The following ADRA1A variants were observed in gnomAD, a reference collection of about 807,000 sequenced individuals.
The protein encoded by ADRA1A is adrenoceptor alpha 1A, also known as alpha-1A adrenergic receptor.
Under a neutral mutation model 29.6 loss-of-function variants are expected in ADRA1A, and 31 were observed. The observed-to-expected ratio is 1.05, with a 90% CI of 0.79 to 1.41. The LOEUF (loss-of-function observed/expected upper bound fraction) is 1.41. ADRA1A is among the 40% of genes most tolerant of loss of function. The pLI, the probability that ADRA1A is intolerant of heterozygous loss-of-function variation, is 0.00. For synonymous variants in ADRA1A, 311 were observed against 254.3 expected, an observed-to-expected ratio of 1.22 and a Z score of -2.12; for missense variants, 619 against 601.1, an observed-to-expected ratio of 1.03 and a Z score of -0.31.
At chr8:26,822,778 A>G (rs1810268473) in intron 2 of ADRA1A, among the ~76,000 whole-genome samples, 1 of 152,192 alleles carries the variant, frequency 6.6e-6, no homozygotes. Context: ...AAGCATGGTG[A>G]CTTCCGCTTC....
At chr8:26,767,075 A>T (rs1288238561), downstream of ADRA1A, among the ~76,000 whole-genome samples, 1 of 152,104 alleles carries the variant, frequency 6.6e-6, no homozygotes, top group African/African-American at 2.4e-5. Flanking sequence ...GAATAATGAG[A>T]TTCAGGGTCT....
At chr8:26,803,681 G>A (rs1808761721) in intron 2 of ADRA1A, among the ~76,000 whole-genome samples, 1 of 152,030 alleles carries the variant, frequency 6.6e-6, no homozygotes, top group Admixed American at 6.6e-5. Context: ...TTCTAACAAA[G>A]TACTTGTATC....
intron 2 of ADRA1A, among the ~76,000 whole-genome samples, chr8:26,824,283 G>A (rs929343299): frequency 6.6e-6 from 1 of 151,882 alleles, no homozygotes; most frequent in African/African-American, 2.4e-5. Flanking sequence ...TGGGTAACAG[G>A]GGTCTATCTA....
intron 2 of ADRA1A, among the ~76,000 whole-genome samples, chr8:26,808,034 G>A (rs1025057227): frequency 4.6e-5 from 7 of 152,190 alleles, no homozygotes; most frequent in South Asian, 2.1e-4. Flanking sequence ...ATACATTTAC[G>A]TGGCTCAAAA....
Position 26,770,326 on chromosome 8 carries a change from G to A in ADRA1A, c.1224C>T (p.Ala408=), listed in dbSNP as rs1201071862. The A allele has an allele frequency of 6.2e-7, 1 of 1,614,208 alleles. No homozygotes were observed. Among genetic ancestry groups the A allele is most frequent in the East Asian group, 2.2e-5 (1 of 44,880 alleles). Residue 408 remains alanine, a synonymous_variant, in exon 3 of 3, where the codon GCC becomes GCT. Coordinates refer to ENST00000380573, the MANE Select transcript of ADRA1A (RefSeq NM_000680.4). ...ATTGGTCTTTGGACACTGTAATCCTGGCAGATCCACGGGGCATGGAAGAGA... is the reference window on the plus strand; with the variant it reads ...ATTGGTCTTTGGACACTGTAATCCTAGCAGATCCACGGGGCATGGAAGAGA... ...KFFSSMPRGS[A]RITVSKDQSS...
At chr8:26,791,475 T>C (rs902813939) in intron 2 of ADRA1A, among the ~76,000 whole-genome samples, 3 of 152,180 alleles carry the variant, frequency 2.0e-5, no homozygotes, top group Admixed American at 6.6e-5. Flanking sequence ...CAGTAAATTA[T>C]GAGTGCCCAC....
Position 26,864,792 on chromosome 8 carries a change from C to A in ADRA1A, c.178G>T (p.Val60Phe). 1.2e-6 allele frequency: 2 copies of A among 1,614,148 alleles called. No individual in the cohort carries two copies. The highest frequency in any genetic ancestry group is 1.7e-6 in the Non-Finnish European group (2 of 1,180,022). ...SVACHRHLHS[V>F]THYYIVNLAV... is the part of the protein sequence containing the mutation. ...AGGTTGACGATGTAGTAGTGCGTGA[C>A]TGAGTGCAGGTGTCGGTGACAGGCT... is the stretch of plus-strand genomic sequence containing the variant. The change falls in exon 2 of 3, where the codon GTC becomes TTC. Residue 60 changes from valine (V) to phenylalanine (F), a missense_variant. Transcript: ENST00000380573. This position sits in a 1 kb window ranked among gnomAD's most constrained non-coding sequence, Gnocchi z 8.1.
upstream of ADRA1A, chr8:26,867,353 T>C (rs904518587): frequency 7.1e-6 from 7 of 985,358 alleles, no homozygotes; most frequent in Middle Eastern, 1.0e-3. Context: ...CAAGTGCGTA[T>C]ACAGCTGTAA....
rs1333985109 is a variant in ADRA1A, at chr8:26,821,799, A to T, written c.883+42288T>A. The stretch of plus-strand genomic sequence containing the variant: ...CCTGGAAATCACTAATCTGTTCTCT[A>T]TTTCTATAATTTTGTCATTTCAAGA... On this transcript the variant is annotated intron_variant, in intron 2 of 2. Coordinates refer to ENST00000380573, the MANE Select transcript of ADRA1A (RefSeq NM_000680.4). This position sits in a 1 kb window ranked among gnomAD's most constrained non-coding sequence, Gnocchi z 5.6. Among the ~76,000 whole-genome samples, 1 of 152,102 alleles carries T rather than the reference A, an allele frequency of 6.6e-6. No homozygotes were observed. Among genetic ancestry groups the T allele is most frequent in the African/African-American group, 2.4e-5 (1 of 41,408 alleles).
At chr8:26,757,515 C>CCA (rs1554488995) in intron 2 of ADRA1A, among the ~76,000 whole-genome samples, 33 of 150,524 alleles carry the variant, frequency 2.2e-4, no homozygotes, top group Middle Eastern at 3.4e-3. Flanking sequence ...TTCCATTTCC[C>CCA]CCACCCCCCA....
Position 26,798,418 on chromosome 8 carries a change from T to G in ADRA1A, c.884-27752A>C, listed in dbSNP as rs1425219867. Among the ~76,000 whole-genome samples, 4 of 152,350 alleles carry G rather than the reference T, an allele frequency of 2.6e-5. 1 individual carries two copies. In the Middle Eastern group the frequency reaches 0.01, roughly 389 times the overall value. On this transcript the variant is annotated intron_variant, in intron 2 of 2. Coordinates refer to ENST00000380573, the MANE Select transcript of ADRA1A (RefSeq NM_000680.4). ...AATGCTTTCTCAAAAGGACTCAATA[T>G]GTTAAGCAGATCCGAATATACTTAT... is the stretch of plus-strand genomic sequence containing the variant.
At chr8:26,804,180 C>G (rs538060713) in intron 2 of ADRA1A, among the ~76,000 whole-genome samples, 2 of 152,098 alleles carry the variant, frequency 1.3e-5, no homozygotes, top group Admixed American at 6.5e-5. Context: ...CTTGGCCCCC[C>G]AAAGTGGTGG....
intron 2 of ADRA1A, among the ~76,000 whole-genome samples, chr8:26,824,728 G>A (rs958436637): frequency 6.6e-6 from 1 of 152,026 alleles, no homozygotes; most frequent in African/African-American, 2.4e-5. Context: ...AAATCCCTAG[G>A]GAAGTGAAAA....
chr8:26,836,105 G>A (rs573172050), intron 2 of ADRA1A: 18 of 189,096 alleles, frequency 9.5e-5, no homozygotes, highest in African/African-American at 3.8e-4. Flanking sequence ...ACCCTTCAGC[G>A]GTTGTTGCCT....
Position 26,865,405 on chromosome 8 carries a change from CA to C in ADRA1A, c.-437del. ...AGCATTCTGCACATGATTCGGAATT[CA>C]AAACTCCAGCGCCAGTCTCTCCCTC... On this transcript the variant is annotated 5_prime_UTR_variant, in exon 2 of 3. Transcript: ENST00000380573. This position sits in a 1 kb window ranked among gnomAD's most constrained non-coding sequence, Gnocchi z 7.6. 9.9e-7 allele frequency: 1 copy of C among 1,005,988 alleles called. No individual in the cohort carries two copies. The highest frequency in any genetic ancestry group is 1.2e-6 in the Non-Finnish European group (1 of 842,404). The allele number at this position is 1,005,988 out of a possible 1,614,324, so 62.3% of individuals were successfully genotyped here. A position where few individuals can be genotyped will look rare whatever the true frequency, so the allele number is the denominator to read the frequency against.
rs1433874362 is a variant in ADRA1A, at chr8:26,866,005, G to A, written c.-686-350C>T. Among the ~76,000 whole-genome samples, 1 of 152,232 alleles carries A rather than the reference G, an allele frequency of 6.6e-6. No individual in the cohort carries two copies. Reference sequence around the variant, plus strand: ...TCCTCGAAGCCCCGGAGGGGCGACTGCGGCTGGCGAGTGTGTCGCACGGAT... The same window carrying A: ...TCCTCGAAGCCCCGGAGGGGCGACTACGGCTGGCGAGTGTGTCGCACGGAT... On this transcript the variant is annotated intron_variant, in intron 1 of 2. Coordinates refer to ENST00000380573, the MANE Select transcript of ADRA1A (RefSeq NM_000680.4). The surrounding 1 kb of genome is among the most constrained non-coding windows in gnomAD (Gnocchi z 5.7).
chr8:26,750,718 C>A (rs1233327986), intron 2 of ADRA1A, among the ~76,000 whole-genome samples: 1 of 152,220 alleles, frequency 6.6e-6, no homozygotes, highest in Non-Finnish European at 1.5e-5. Context: ...TGAGACAGAG[C>A]AGCTCAGCAG....
rs1308629233 is a variant in ADRA1A at position 26,797,803 on chromosome 8, A to G, written c.884-27137T>C. 2.6e-5 allele frequency among the ~76,000 whole-genome samples: 4 copies of G among 152,218 alleles called. No homozygotes were observed. In the East Asian group the frequency reaches 7.7e-4, roughly 29 times the overall value. On this transcript the variant is annotated intron_variant, in intron 2 of 2. Coordinates refer to ENST00000380573, the MANE Select transcript of ADRA1A (RefSeq NM_000680.4). ...TTGAGGCTATGGAGAAGGGGGATTC[A>G]AGAGGAATTGCAAAGGAAAAGTGAT... is the stretch of plus-strand genomic sequence containing the variant.
At chr8:26,763,032 G>A (rs578024764), downstream of ADRA1A, among the ~76,000 whole-genome samples, 8 of 152,166 alleles carry the variant, frequency 5.3e-5, no homozygotes, top group South Asian at 1.7e-3. This position sits in a 1 kb window ranked among gnomAD's most constrained non-coding sequence, Gnocchi z 4.5. Context: ...TTAGTCAAAG[G>A]AAAAGGAAAA....
Sources: allele counts gnomAD v4.1 joint callset (sites outside exome capture counted in the v4.1 genomes callset), GRCh38; gene constraint gnomAD v4.1.1; non-coding constraint Gnocchi (gnomAD v3.1); transcripts MANE v1.5; gene names NCBI Gene and HGNC (gene_info 2026-07-23, HGNC 2026-07-21).